ACOT1: variants seen among roughly 807,000 people sequenced by gnomAD.
The protein encoded by ACOT1 is acyl-coenzyme A thioesterase 1.
A neutral mutation model predicts 15.7 loss-of-function variants in ACOT1; 8 were observed. The ratio of observed to expected loss-of-function variants is 0.51; its 90% CI spans 0.30 to 0.92. The LOEUF (loss-of-function observed/expected upper bound fraction) is 0.92. Ranked by LOEUF, ACOT1 falls within the 40% of genes least tolerant of loss-of-function variation. The pLI is 0.06. For synonymous variants in ACOT1, 67 were observed against 241.2 expected (o/e 0.28, Z 6.69); for missense variants, 151 against 539.4 (o/e 0.28, Z 7.13).
At chr14:73,493,010 T>C in the ACOT1 span, 1 of 1,583,358 alleles carries the variant, frequency 6.3e-7, no homozygotes, top group Non-Finnish European at 8.5e-7. Flanking sequence ...TTTTTTTTTT[T>C]TTTTTCCTTA....
At chr14:73,506,681 C>T in the ACOT1 span, 5 of 741,392 alleles carry the variant, frequency 6.7e-6, no homozygotes, top group South Asian at 8.6e-5. Context: ...CACCAGTGGG[C>T]TTACAAGAGA....
At chr14:73,508,226 T>A in the ACOT1 span, 1 of 1,614,066 alleles carries the variant, frequency 6.2e-7, no homozygotes, top group Non-Finnish European at 8.5e-7. Flanking sequence ...ATCCTCTTAA[T>A]CACAGGGTAA....
At chr14:73,525,957 A>T in the ACOT1 span, among the ~76,000 whole-genome samples, 3 of 146,902 alleles carry the variant, frequency 2.0e-5, no homozygotes, top group East Asian at 7.1e-4. Flanking sequence ...CTTATTTAAA[A>T]AAAAAAAAAA....
chr14:73,537,968 C>T lies in ACOT1; in HGVS notation c.457+90C>T, dbSNP rs1051673648. 2.0e-6 allele frequency: 2 copies of T among 1,017,902 alleles called. 1 individual carries two copies. The highest frequency in any genetic ancestry group is 2.5e-6 in the Non-Finnish European group (2 of 796,484). 63.1% of individuals were successfully genotyped at this position (1,017,902 alleles called of 1,614,324 possible). A position where few individuals can be genotyped will look rare whatever the true frequency, so the allele number is the denominator to read the frequency against. On this transcript the variant is annotated intron_variant, in intron 1 of 2. Transcript: ENST00000311148. ...GTGTGTGTGTCCCCTTCGCCCCGCC[C>T]CGCTCTTTTCGCTTGTGTGTGTGTC...
At chr14:73,492,706 C>G in the ACOT1 span, 1 of 1,613,798 alleles carries the variant, frequency 6.2e-7, no homozygotes, top group East Asian at 2.2e-5. This position sits in a 1 kb window ranked among gnomAD's most constrained non-coding sequence, Gnocchi z 4.9. Context: ...GTGAGGGGGG[C>G]CATTTGTTTC....
At chr14:73,490,976 G>T in the ACOT1 span, 1 of 1,316,576 alleles carries the variant, frequency 7.6e-7, no homozygotes, top group Non-Finnish European at 9.7e-7. Context: ...CTTTAGCTTC[G>T]CCCCCGGCCG....
the ACOT1 span, among the ~76,000 whole-genome samples, chr14:73,504,921 T>G: frequency 1.3e-5 from 2 of 152,116 alleles, no homozygotes; most frequent in African/African-American, 4.8e-5. Flanking sequence ...CCCCACCATC[T>G]TCACCGACAG....
the ACOT1 span, chr14:73,511,890 C>A: frequency 3.9e-6 from 5 of 1,281,472 alleles, no homozygotes; most frequent in East Asian, 1.2e-4. Flanking sequence ...GTCTCTAAGT[C>A]TTGGTTTCCA....
At chr14:73,512,139 C>T in the ACOT1 span, 2 of 1,614,104 alleles carry the variant, frequency 1.2e-6, no homozygotes, top group Non-Finnish European at 1.7e-6. Context: ...TCTCATGGTG[C>T]CACTCTATGA....
At chr14:73,509,811 C>CATATATAT in the ACOT1 span, among the ~76,000 whole-genome samples, 31 of 19,494 alleles carry the variant, frequency 1.6e-3, 4 homozygotes, top group Non-Finnish European at 2.2e-3. Context: ...CCCATGAGCC[C>CATATATAT]ATATATATAT....
At chr14:73,492,035 C>A in the ACOT1 span, 27 of 1,613,908 alleles carry the variant, frequency 1.7e-5, no homozygotes, top group Non-Finnish European at 3.4e-6. This position sits in a 1 kb window ranked among gnomAD's most constrained non-coding sequence, Gnocchi z 4.9. Flanking sequence ...CTTTGCCCCC[C>A]ACTACGACGA....
At chr14:73,523,601 A>G in the ACOT1 span, among the ~76,000 whole-genome samples, 1 of 152,176 alleles carries the variant, frequency 6.6e-6, no homozygotes, top group African/African-American at 2.4e-5. Flanking sequence ...GCCTCAGTTT[A>G]TGACTTTGTC....
chr14:73,513,762 C>T, the ACOT1 span, among the ~76,000 whole-genome samples: 31 of 130,544 alleles, frequency 2.4e-4, no homozygotes, highest in African/African-American at 8.3e-4. Flanking sequence ...AAAAAATGGT[C>T]TCTGCCTCTG....
the ACOT1 span, chr14:73,506,453 A>C: frequency 2.5e-6 from 4 of 1,603,968 alleles, no homozygotes; most frequent in South Asian, 1.1e-5. Flanking sequence ...CTGGAGGCAA[A>C]GAAAGAGGTT....
the ACOT1 span, among the ~76,000 whole-genome samples, chr14:73,510,346 A>G: frequency 6.6e-6 from 1 of 152,102 alleles, no homozygotes; most frequent in Non-Finnish European, 1.5e-5. Context: ...TGGGCCATGC[A>G]TGGCACCAGA....
At chr14:73,522,226 G>A in the ACOT1 span, 1 of 1,568,768 alleles carries the variant, frequency 6.4e-7, no homozygotes, top group Non-Finnish European at 8.7e-7. Flanking sequence ...CCCTAAAGGG[G>A]AGTCAGGGAT....
At chr14:73,492,172 G>A in the ACOT1 span, 13 of 1,613,832 alleles carry the variant, frequency 8.1e-6, no homozygotes, top group East Asian at 2.2e-5. This position sits in a 1 kb window ranked among gnomAD's most constrained non-coding sequence, Gnocchi z 4.9. Context: ...TCGGTGAGCC[G>A]GTGCTGCAGA....
the ACOT1 span, among the ~76,000 whole-genome samples, chr14:73,511,577 A>AAT: frequency 1.3e-5 from 2 of 150,354 alleles, no homozygotes; most frequent in African/African-American, 4.9e-5. Flanking sequence ...AATAAAATAA[A>AAT]AAAGAATGGG....
Position 73,537,474 on chromosome 14 carries a change from C to T in ACOT1, c.53C>T (p.Pro18Leu). The T allele has an allele frequency of 2.4e-6, 3 of 1,227,136 alleles. 1 individual carries two copies. The South Asian group carries it at 4.3e-5, about 17-fold the overall frequency. 76.0% of individuals were successfully genotyped at this position (1,227,136 alleles called of 1,614,324 possible). A position where few individuals can be genotyped will look rare whatever the true frequency, so the allele number is the denominator to read the frequency against. The change falls in exon 1 of 3, where the codon CCG becomes CTG. Residue 18 changes from proline (P) to leucine (L), a missense_variant. Physicochemically the swap from Pro to Leu is moderately conservative, Grantham distance 98. Transcript: ENST00000311148. ...EPAGRCCWDE[P>L]VRIAVRGLAP... Reference sequence around the variant, plus strand: ...GCGGGCCGCTGCTGCTGGGACGAACCGGTGCGAATCGCCGTGCGCGGCCTA... The same window carrying T: ...GCGGGCCGCTGCTGCTGGGACGAACTGGTGCGAATCGCCGTGCGCGGCCTA...
Sources: gnomAD v4.1 joint callset for allele counts (sites outside exome capture counted in the v4.1 genomes callset) on GRCh38, gnomAD v4.1.1 for gene constraint, Gnocchi (gnomAD v3.1) non-coding constraint, MANE v1.5 for transcripts, NCBI Gene and HGNC (gene_info 2026-07-23, HGNC 2026-07-21) for gene names.